TIAM1: variants seen among roughly 807,000 people sequenced by gnomAD.
The protein encoded by TIAM1 is rho guanine nucleotide exchange factor TIAM1.
Under a neutral mutation model 163.5 loss-of-function variants are expected in TIAM1, and 65 were observed. That is an observed-to-expected ratio of 0.40 (90% confidence interval 0.33 to 0.49). The LOEUF is 0.49. Among genes scored for constraint, TIAM1 ranks in the 20% least tolerant of loss-of-function variants. The pLI is 0.77. For synonymous variants in TIAM1, 833 were observed against 810.1 expected (o/e 1.03, Z -0.48); for missense variants, 1,789 against 2,044.7 (o/e 0.87, Z 2.41).
intron 1 of TIAM1, among the ~76,000 whole-genome samples, chr21:31,533,028 T>C (rs2048019785): frequency 6.6e-6 from 1 of 152,178 alleles, no homozygotes; most frequent in African/African-American, 2.4e-5. Flanking sequence ...AATTTTAAAT[T>C]TTCAGGCCAG....
chr21:31,118,528 T>C lies in TIAM1; in HGVS notation c.*1840A>G, dbSNP rs2081887179. On this transcript the variant is annotated 3_prime_UTR_variant, in exon 28 of 28. Coordinates refer to ENST00000541036, the MANE Select transcript of TIAM1 (RefSeq NM_001353694.2). Reference sequence around the variant, plus strand: ...CTTATAAAAGAAATATATAAGAACTTTTGACATAGACACGTCATGACCTTA... The same window carrying C: ...CTTATAAAAGAAATATATAAGAACTCTTGACATAGACACGTCATGACCTTA... The C allele has an allele frequency of 2.2e-6, 1 of 459,914 alleles. No homozygotes were observed. The highest frequency in any genetic ancestry group is 4.5e-6 in the Non-Finnish European group (1 of 224,534). 28.5% of individuals were successfully genotyped at this position (459,914 alleles called of 1,614,324 possible).
intron 2 of TIAM1, among the ~76,000 whole-genome samples, chr21:31,292,193 A>G (rs1178432155): frequency 1.3e-5 from 2 of 152,154 alleles, no homozygotes; most frequent in African/African-American, 4.8e-5. Context: ...GAGGCAATGT[A>G]TGTAAACACA....
chr21:31,501,073 T>TC (rs2046831427), intron 1 of TIAM1, among the ~76,000 whole-genome samples: 1 of 152,168 alleles, frequency 6.6e-6, no homozygotes, highest in South Asian at 2.1e-4. Context: ...TTTTGTTGGT[T>TC]CTTTTTTTTT....
intron 16 of TIAM1, among the ~76,000 whole-genome samples, chr21:31,157,991 A>T (rs2083711151): frequency 6.6e-6 from 1 of 152,182 alleles, no homozygotes; most frequent in South Asian, 2.1e-4. Flanking sequence ...CTTCCAATTC[A>T]CACCTCACTA....
rs1225609917 is a variant in TIAM1, at chr21:31,141,798, T to C, written c.3476-294A>G. On this transcript the variant is annotated intron_variant, in intron 20 of 27. Coordinates refer to ENST00000541036, the MANE Select transcript of TIAM1 (RefSeq NM_001353694.2). This position sits in a 1 kb window ranked among gnomAD's most constrained non-coding sequence, Gnocchi z 4.7. ...GCGGCTGCTCTTTATCCTCCTCCTA[T>C]TACACATGTTTTTTTATCCTGATGT... Among the ~76,000 whole-genome samples the C allele has an allele frequency of 6.6e-6, 1 of 152,126 alleles. No homozygotes were observed. The highest frequency in any genetic ancestry group is 2.4e-5 in the African/African-American group (1 of 41,424).
At chr21:31,228,919 G>A (rs899330340) in intron 6 of TIAM1, among the ~76,000 whole-genome samples, 1 of 152,094 alleles carries the variant, frequency 6.6e-6, no homozygotes, top group Non-Finnish European at 1.5e-5. Context: ...AAGCAGGGGG[G>A]AAAGCCCCTT....
intron 2 of TIAM1, among the ~76,000 whole-genome samples, chr21:31,393,176 G>A (rs975269379): frequency 1.1e-4 from 16 of 152,152 alleles, no homozygotes; most frequent in African/African-American, 3.6e-4. Flanking sequence ...GGCTGGTCTC[G>A]AACTCCTGAC....
At chr21:31,187,646 G>T (rs1419765422) in intron 13 of TIAM1, among the ~76,000 whole-genome samples, 5 of 152,078 alleles carry the variant, frequency 3.3e-5, no homozygotes, top group Non-Finnish European at 5.9e-5. Context: ...AGCAGTATCT[G>T]ATCATAAGAT....
chr21:31,197,206 A>G (rs1302799066), intron 12 of TIAM1, among the ~76,000 whole-genome samples: 2 of 152,180 alleles, frequency 1.3e-5, no homozygotes, highest in African/African-American at 4.8e-5. Flanking sequence ...TACTCAGGTA[A>G]CAAACCTGCA....
At chr21:31,507,854 T>C (rs1026144079) in intron 1 of TIAM1, among the ~76,000 whole-genome samples, 27 of 152,148 alleles carry the variant, frequency 1.8e-4, no homozygotes, top group African/African-American at 5.1e-4. Context: ...GTGGGTTGAA[T>C]TGAGTGCCTT....
At chr21:31,453,394 A>G (rs867711520) in intron 2 of TIAM1, among the ~76,000 whole-genome samples, 1 of 152,160 alleles carries the variant, frequency 6.6e-6, no homozygotes, top group Non-Finnish European at 1.5e-5. Context: ...GGTGGCCTCC[A>G]GCTGACAGCC....
intron 2 of TIAM1, among the ~76,000 whole-genome samples, chr21:31,420,048 T>G (rs1317600871): frequency 6.6e-6 from 1 of 151,648 alleles, no homozygotes; most frequent in East Asian, 2.0e-4. Flanking sequence ...AAACTCCGTC[T>G]CAAAAACTAA....
chr21:31,336,509 T>C (rs951778435), intron 2 of TIAM1, among the ~76,000 whole-genome samples: 72 of 130,888 alleles, frequency 5.5e-4, no homozygotes, highest in African/African-American at 2.0e-3. Flanking sequence ...TTTTTTTTTT[T>C]AGTTTTGCTC....
chr21:31,383,629 A>G (rs959312564), intron 2 of TIAM1, among the ~76,000 whole-genome samples: 1 of 152,208 alleles, frequency 6.6e-6, no homozygotes, highest in Admixed American at 6.5e-5. Flanking sequence ...AATTCCTGAC[A>G]TGCCTTGGGA....
At chr21:31,130,662 A>G (rs555707709) in intron 24 of TIAM1, among the ~76,000 whole-genome samples, 55 of 152,338 alleles carry the variant, frequency 3.6e-4, no homozygotes, top group Non-Finnish European at 6.3e-4. Context: ...AATTGAGTCC[A>G]GTTGGTTCCA....
At chr21:31,219,926 C>A (rs1212374019) in intron 8 of TIAM1, among the ~76,000 whole-genome samples, 2 of 152,116 alleles carry the variant, frequency 1.3e-5, no homozygotes, top group African/African-American at 4.8e-5. Context: ...TCATCACTTT[C>A]TCAGTTAAAG....
chr21:31,131,068 C>T (rs945828321), intron 23 of TIAM1, 120 bp from the exon 24 acceptor site: 12 of 726,890 alleles, frequency 1.7e-5, no homozygotes, highest in Non-Finnish European at 2.6e-5. Context: ...TCCCAGTTAA[C>T]TGACTCCCAC....
At chr21:31,217,833 A>C in intron 8 of TIAM1, 134 bp from the exon 9 acceptor site, 1 of 1,010,922 alleles carries the variant, frequency 9.9e-7, no homozygotes, top group Non-Finnish European at 1.4e-6. Flanking sequence ...CCCAATGCCT[A>C]AAGTATTCAA....
rs559292247 is a variant in TIAM1, at chr21:31,120,833, A to C, written c.4311T>G (p.Ser1437=). 7.5e-6 allele frequency: 12 copies of C among 1,609,518 alleles called. No homozygotes were observed. Among genetic ancestry groups the C allele is most frequent in the Non-Finnish European group, 1.0e-5 (12 of 1,177,682 alleles). The part of the protein sequence containing the change: ...GARPAMSRAV[S]APSKSLGRRR... ...TCCTCCCAAGAGACTTGCTTGGGGC[A>C]GACACTGCACACACACACAAAAATA... Residue 1437 remains serine, a synonymous_variant, in exon 28 of 28, where the codon TCT becomes TCG. Transcript: ENST00000541036. This position sits in a 1 kb window ranked among gnomAD's most constrained non-coding sequence, Gnocchi z 4.2.
Sources: gnomAD v4.1 joint callset for allele counts (sites outside exome capture counted in the v4.1 genomes callset) on GRCh38, gnomAD v4.1.1 for gene constraint, Gnocchi (gnomAD v3.1) non-coding constraint, MANE v1.5 for transcripts, NCBI Gene and HGNC (gene_info 2026-07-23, HGNC 2026-07-21) for gene names.